CDK14: variants seen among roughly 807,000 people sequenced by gnomAD.
CDK14 encodes cyclin-dependent kinase 14.
A neutral mutation model predicts 60.7 loss-of-function variants in CDK14; 34 were observed. The ratio of observed to expected loss-of-function variants is 0.56; its 90% CI spans 0.43 to 0.75. CDK14 has a LOEUF of 0.75. Among genes scored for constraint, CDK14 ranks in the 30% least tolerant of loss-of-function variants. The pLI is 0.00. For missense variants in CDK14, 482 were observed against 564.1 expected (o/e 0.85, Z 1.47); for synonymous variants, 197 against 203.7 (o/e 0.97, Z 0.28).
chr7:90,669,562 C>G (rs1340279103), intron 2 of CDK14, among the ~76,000 whole-genome samples: 1 of 103,660 alleles, frequency 9.6e-6, no homozygotes, highest in Non-Finnish European at 2.1e-5. Context: ...AAAGTGGTGT[C>G]TATTTATAGA....
chr7:91,144,862 C>A (rs1375065793), intron 14 of CDK14, among the ~76,000 whole-genome samples: 1 of 152,096 alleles, frequency 6.6e-6, no homozygotes, highest in East Asian at 1.9e-4. Flanking sequence ...CAACTTCTAG[C>A]ATTTTGTTGC....
chr7:90,724,273 A>G (rs891390592), intron 2 of CDK14, among the ~76,000 whole-genome samples: 1 of 151,806 alleles, frequency 6.6e-6, no homozygotes, highest in African/African-American at 2.4e-5. Context: ...CACTGCTCCC[A>G]TTCCTGATAG....
At chr7:91,016,851 C>G (rs1312016706) in intron 10 of CDK14, among the ~76,000 whole-genome samples, 1 of 152,156 alleles carries the variant, frequency 6.6e-6, no homozygotes, top group African/African-American at 2.4e-5. Context: ...TCTATAGTAA[C>G]TTCGCATACA....
At chr7:90,669,377 C>T (rs1006667605) in intron 2 of CDK14, among the ~76,000 whole-genome samples, 1 of 152,132 alleles carries the variant, frequency 6.6e-6, no homozygotes, top group African/African-American at 2.4e-5. Flanking sequence ...TACAGACTGA[C>T]CTTGCTCAAG....
chr7:90,645,114 T>C (rs891711791), intron 2 of CDK14, among the ~76,000 whole-genome samples: 4 of 152,320 alleles, frequency 2.6e-5, no homozygotes, highest in African/African-American at 9.6e-5. Context: ...TTACATTGTA[T>C]AGAGATGTGG....
At chr7:91,189,828 G>C (rs1232075966) in intron 14 of CDK14, among the ~76,000 whole-genome samples, 1 of 152,176 alleles carries the variant, frequency 6.6e-6, no homozygotes, top group Non-Finnish European at 1.5e-5. Flanking sequence ...CATAGCGTAA[G>C]AGTTAACTGC....
intron 14 of CDK14, among the ~76,000 whole-genome samples, chr7:91,203,018 G>A (rs1802778490): frequency 6.6e-6 from 1 of 152,114 alleles, no homozygotes; most frequent in Admixed American, 6.5e-5. Flanking sequence ...TAACCCAACA[G>A]GATAGTGAAT....
intron 4 of CDK14, among the ~76,000 whole-genome samples, chr7:90,758,965 A>G (rs1211997954): frequency 6.6e-6 from 1 of 151,478 alleles, no homozygotes; most frequent in Non-Finnish European, 1.5e-5. Context: ...CTGAGGCACG[A>G]GAGTCACTCA....
chr7:90,962,818 T>C (rs1400387641), intron 9 of CDK14, among the ~76,000 whole-genome samples: 1 of 152,152 alleles, frequency 6.6e-6, no homozygotes, highest in African/African-American at 2.4e-5. Context: ...TTCAGCTGCC[T>C]CACTGGTTTG....
intron 10 of CDK14, among the ~76,000 whole-genome samples, chr7:91,008,147 A>AAC (rs1554403044): frequency 1.5e-4 from 17 of 109,680 alleles, no homozygotes; most frequent in African/African-American, 5.7e-4. Context: ...AAAAAAAAAC[A>AAC]AACAAAAAAA....
chr7:90,855,939 G>A (rs772085989), intron 5 of CDK14, among the ~76,000 whole-genome samples: 2 of 152,146 alleles, frequency 1.3e-5, no homozygotes, highest in Non-Finnish European at 2.9e-5. Context: ...GGTTTAGGCT[G>A]TAATTTCCAA....
intron 9 of CDK14, among the ~76,000 whole-genome samples, chr7:90,959,981 A>G (rs906161039): frequency 6.6e-6 from 1 of 152,166 alleles, no homozygotes; most frequent in Non-Finnish European, 1.5e-5. Flanking sequence ...AAGTCAAGGC[A>G]TAGGAAATCA....
intron 13 of CDK14, among the ~76,000 whole-genome samples, chr7:91,115,190 C>T (rs766175976): frequency 5.3e-5 from 8 of 152,112 alleles, no homozygotes; most frequent in Non-Finnish European, 1.2e-4. Context: ...TTAGGAACCT[C>T]GCTGTCTTAG....
At chr7:91,152,072 A>G (rs1434182802) in intron 14 of CDK14, among the ~76,000 whole-genome samples, 1 of 152,210 alleles carries the variant, frequency 6.6e-6, no homozygotes, top group Non-Finnish European at 1.5e-5. Context: ...TACTTTCCTC[A>G]TGTGGTTACA....
chr7:90,814,508 C>T (rs997550288), intron 5 of CDK14, among the ~76,000 whole-genome samples: 3 of 152,090 alleles, frequency 2.0e-5, no homozygotes, highest in Non-Finnish European at 4.4e-5. Context: ...TGTGGCCGGG[C>T]GTGGTGGCTC....
At chr7:90,774,048 C>T (rs12535606) in intron 4 of CDK14, among the ~76,000 whole-genome samples, 31,230 of 151,588 alleles carry the variant, frequency 0.21, 3,347 homozygotes, top group South Asian at 0.24. Context: ...GAATTACAGG[C>T]GCTTGCCACC....
chr7:90,853,837 A>C (rs1203380151), intron 5 of CDK14, among the ~76,000 whole-genome samples: 1 of 152,174 alleles, frequency 6.6e-6, no homozygotes, highest in African/African-American at 2.4e-5. Flanking sequence ...GGTATCAGGC[A>C]CACCAGTTGA....
chr7:90,597,058 G>A (rs1018590955), intron 1 of CDK14: 20 of 281,134 alleles, frequency 7.1e-5, no homozygotes, highest in Non-Finnish European at 1.3e-4. Context: ...GCGGCTGCTT[G>A]GGCCACTTGT....
chr7:90,820,683 C>G (rs3779563), intron 5 of CDK14, among the ~76,000 whole-genome samples: 1 of 151,962 alleles, frequency 6.6e-6, no homozygotes, highest in African/African-American at 2.4e-5. Context: ...CTAATACATG[C>G]GTCTAACCTT....
Sources: allele counts gnomAD v4.1 joint callset (sites outside exome capture counted in the v4.1 genomes callset), GRCh38; gene constraint gnomAD v4.1.1; transcripts MANE v1.5; gene names NCBI Gene and HGNC (gene_info 2026-07-23, HGNC 2026-07-21).